CNTN4: variants seen among roughly 807,000 people sequenced by gnomAD.
CNTN4 encodes the protein contactin-4.
Under a neutral mutation model 122.5 loss-of-function variants are expected in CNTN4, and 77 were observed. The observed-to-expected ratio is 0.63, with a 90% CI of 0.52 to 0.76. The LOEUF is 0.76. Ranked by LOEUF, CNTN4 falls within the 30% of genes least tolerant of loss-of-function variation. The pLI is 0.00. For missense variants in CNTN4, 1,256 were observed against 1,259.1 expected, an observed-to-expected ratio of 1.00 and a Z score of 0.04; for synonymous variants, 512 against 447.0, an observed-to-expected ratio of 1.15 and a Z score of -1.83.
At chr3:2,655,116 T>C (rs1023228036) in intron 4 of CNTN4, among the ~76,000 whole-genome samples, 21 of 152,326 alleles carry the variant, frequency 1.4e-4, no homozygotes, top group African/African-American at 4.3e-4. Context: ...ATAAGTGATA[T>C]AAATCCTGAT....
intron 4 of CNTN4, chr3:2,629,522 C>G (rs1296864075): frequency 2.2e-6 from 1 of 452,670 alleles, no homozygotes; most frequent in South Asian, 1.6e-5. Flanking sequence ...CCTTCCCGTT[C>G]TAGGTTCACA....
intron 4 of CNTN4, among the ~76,000 whole-genome samples, chr3:2,596,681 T>A (rs1160443500): frequency 2.0e-5 from 3 of 152,156 alleles, no homozygotes; most frequent in Non-Finnish European, 4.4e-5. Flanking sequence ...AGTGCAATCA[T>A]TTGCCCCTGT....
intron 2 of CNTN4, among the ~76,000 whole-genome samples, chr3:2,158,490 C>A (rs1428445050): frequency 6.6e-6 from 1 of 152,174 alleles, no homozygotes; most frequent in East Asian, 1.9e-4. Flanking sequence ...ATTGTAAATG[C>A]TTACCTCTTA....
chr3:2,930,927 A>T (rs1345528052), intron 13 of CNTN4, among the ~76,000 whole-genome samples: 2 of 152,232 alleles, frequency 1.3e-5, no homozygotes, highest in African/African-American at 4.8e-5. Context: ...TATAAAGGTG[A>T]TGTATTGAGA....
At chr3:2,249,234 C>T (rs535071600) in intron 2 of CNTN4, among the ~76,000 whole-genome samples, 1 of 151,778 alleles carries the variant, frequency 6.6e-6, no homozygotes, top group Non-Finnish European at 1.5e-5. Context: ...GATTGATGAA[C>T]TATTTTGAGA....
intron 3 of CNTN4, among the ~76,000 whole-genome samples, chr3:2,559,655 G>A (rs2078865864): frequency 6.6e-6 from 1 of 152,140 alleles, no homozygotes; most frequent in Non-Finnish European, 1.5e-5. Context: ...ACAAGAAAAT[G>A]GAGGTGAGGC....
intron 4 of CNTN4, among the ~76,000 whole-genome samples, chr3:2,591,605 C>G (rs1327115695): frequency 1.9e-5 from 1 of 51,630 alleles, no homozygotes; most frequent in African/African-American, 6.5e-5. Flanking sequence ...ACCTCGTGAT[C>G]CGCCCGCCTC....
At chr3:2,230,895 A>G (rs143705740) in intron 2 of CNTN4, among the ~76,000 whole-genome samples, 2 of 152,164 alleles carry the variant, frequency 1.3e-5, no homozygotes, top group African/African-American at 4.8e-5. Flanking sequence ...GACTGAGGTG[A>G]CAGGATCACT....
At chr3:2,142,704 C>A (rs147392441) in intron 2 of CNTN4, among the ~76,000 whole-genome samples, 270 of 152,320 alleles carry the variant, frequency 1.8e-3, no homozygotes, top group African/African-American at 6.1e-3. Context: ...TAACAAACTA[C>A]TACAGCTGCC....
intron 2 of CNTN4, among the ~76,000 whole-genome samples, chr3:2,100,969 C>T (rs1261558625): frequency 6.6e-6 from 1 of 152,106 alleles, no homozygotes; most frequent in Non-Finnish European, 1.5e-5. Flanking sequence ...CATGTCAGAG[C>T]CACATGTAAG....
intron 6 of CNTN4, among the ~76,000 whole-genome samples, chr3:2,803,141 G>A (rs554547862): frequency 3.9e-5 from 6 of 152,242 alleles, no homozygotes; most frequent in Admixed American, 3.3e-4. Flanking sequence ...ATATGAACTG[G>A]CATTTTCAGA....
intron 13 of CNTN4, among the ~76,000 whole-genome samples, chr3:2,958,558 T>C (rs1383598915): frequency 6.6e-6 from 1 of 152,206 alleles, no homozygotes; most frequent in Non-Finnish European, 1.5e-5. Flanking sequence ...GGTGCAACTA[T>C]GATTAAAAAT....
At chr3:2,416,113 C>A (rs554416748) in intron 3 of CNTN4, among the ~76,000 whole-genome samples, 1 of 145,240 alleles carries the variant, frequency 6.9e-6, no homozygotes, top group Non-Finnish European at 1.6e-5. Flanking sequence ...TCTAGGGAAG[C>A]AAGAAATATA....
chr3:2,520,645 A>C (rs551428849), intron 3 of CNTN4, among the ~76,000 whole-genome samples: 94 of 152,172 alleles, frequency 6.2e-4, no homozygotes, highest in African/African-American at 2.2e-3. Flanking sequence ...TCTGCAAATG[A>C]GAGGGATAGA....
At chr3:2,901,720 T>A (rs2094175821) in intron 11 of CNTN4, among the ~76,000 whole-genome samples, 1 of 152,200 alleles carries the variant, frequency 6.6e-6, no homozygotes, top group Non-Finnish European at 1.5e-5. Flanking sequence ...TTTGTTCAGG[T>A]GCTTTAGTCA....
chr3:2,528,422 C>T (rs992443025), intron 3 of CNTN4, among the ~76,000 whole-genome samples: 1 of 152,064 alleles, frequency 6.6e-6, no homozygotes, highest in Non-Finnish European at 1.5e-5. Context: ...AAAATGAACA[C>T]AGTTATACAC....
intron 13 of CNTN4, among the ~76,000 whole-genome samples, chr3:2,960,973 G>A (rs1023094201): frequency 7.9e-5 from 12 of 151,234 alleles, no homozygotes; most frequent in African/African-American, 2.9e-4. Flanking sequence ...ACTCACGCCT[G>A]TAATCCCAGC....
At chr3:2,854,999 C>T (rs1463287580) in intron 7 of CNTN4, among the ~76,000 whole-genome samples, 2 of 152,116 alleles carry the variant, frequency 1.3e-5, no homozygotes, top group African/African-American at 4.8e-5. Context: ...TCAAAATTTT[C>T]CTACGAAATA....
At chr3:2,239,153 GAATTATC>G (rs1559369759) in intron 2 of CNTN4, 1 of 152,016 alleles carries the variant, frequency 6.6e-6, no homozygotes, top group East Asian at 1.9e-4. Context: ...ATATACTGGA[GAATTATC>G]AATTTATTTG....
Sources: allele counts gnomAD v4.1 joint callset (sites outside exome capture counted in the v4.1 genomes callset), GRCh38; gene constraint gnomAD v4.1.1; transcripts MANE v1.5; gene names NCBI Gene and HGNC (gene_info 2026-07-23, HGNC 2026-07-21).